Variants in CNTNAP5 observed in about 807,000 individuals in gnomAD.
CNTNAP5 encodes the protein contactin associated protein family member 5, also known as contactin-associated protein-like 5.
In CNTNAP5, 72 loss-of-function variants were observed where a neutral mutation model predicts 150.2. The ratio of observed to expected loss-of-function variants is 0.48; its 90% confidence interval spans 0.40 to 0.58. CNTNAP5 has a LOEUF of 0.58. Ranked by LOEUF, CNTNAP5 falls within the 20% of genes least tolerant of loss-of-function variation. The pLI is 0.00. For synonymous variants in CNTNAP5, 672 were observed against 619.8 expected (o/e 1.08, Z -1.25); for missense variants, 1,636 against 1,626.2 (o/e 1.01, Z -0.10).
At chr2:124,693,032 T>A (rs1162882220) in intron 13 of CNTNAP5, among the ~76,000 whole-genome samples, 1 of 152,110 alleles carries the variant, frequency 6.6e-6, no homozygotes, top group African/African-American at 2.4e-5. Context: ...ATTCTGAAAT[T>A]TTTTTACCCA....
At chr2:124,808,988 T>C (rs535564731) in intron 19 of CNTNAP5, among the ~76,000 whole-genome samples, 178 of 152,214 alleles carry the variant, frequency 1.2e-3, no homozygotes, top group Middle Eastern at 3.4e-3. Flanking sequence ...CTTTTTTTTT[T>C]TCTCTATACT....
At chr2:124,102,317 G>T (rs1683083004) in intron 1 of CNTNAP5, among the ~76,000 whole-genome samples, 1 of 152,118 alleles carries the variant, frequency 6.6e-6, no homozygotes, top group Non-Finnish European at 1.5e-5. Flanking sequence ...AGAAACTCCA[G>T]CTAAAATTGC....
intron 3 of CNTNAP5, among the ~76,000 whole-genome samples, chr2:124,267,899 C>A (rs1687653740): frequency 6.6e-6 from 1 of 152,156 alleles, no homozygotes; most frequent in Non-Finnish European, 1.5e-5. Context: ...AAATATGCAG[C>A]TTCCGAGGCT....
At chr2:124,489,525 G>A (rs900734660) in intron 7 of CNTNAP5, among the ~76,000 whole-genome samples, 2 of 152,108 alleles carry the variant, frequency 1.3e-5, no homozygotes, top group African/African-American at 2.4e-5. Context: ...TGGGGGCTGG[G>A]CCTTCAACAC....
At position 124,268,452 on chromosome 2, in the gene CNTNAP5, C is replaced by T. The variant is rs80144573; in HGVS notation, c.381+26059C>T. 2.1e-3 allele frequency among the ~76,000 whole-genome samples: 322 copies of T among 152,216 alleles called. 1 individual carries two copies. The highest frequency in any genetic ancestry group is 3.4e-3 in the Non-Finnish European group (230 of 68,016). On this transcript the variant is annotated intron_variant, in intron 3 of 23. Coordinates refer to ENST00000682447, the MANE Select transcript of CNTNAP5 (RefSeq NM_001367498.1). ...TAGACATTAAGAAATCTACCCCAAC[C>T]CTACAGTGATGTAGTGCTCTTCTGA...
intron 3 of CNTNAP5, among the ~76,000 whole-genome samples, chr2:124,408,334 C>T (rs550319435): frequency 2.0e-5 from 3 of 152,194 alleles, no homozygotes. Context: ...CCCAGGCTTG[C>T]TTAGGTAAAC....
intron 19 of CNTNAP5, among the ~76,000 whole-genome samples, chr2:124,824,233 A>C (rs1682547788): frequency 6.6e-6 from 1 of 152,026 alleles, no homozygotes; most frequent in Non-Finnish European, 1.5e-5. Context: ...GTTCTTTTAG[A>C]TGAGTGACCA....
At chr2:124,810,847 G>A (rs1682200320) in intron 19 of CNTNAP5, among the ~76,000 whole-genome samples, 2 of 152,038 alleles carry the variant, frequency 1.3e-5, no homozygotes, top group Admixed American at 1.3e-4. Flanking sequence ...TGTCAAGATG[G>A]GACTGCTACA....
chr2:124,818,487 G>T (rs1682416605), intron 19 of CNTNAP5, among the ~76,000 whole-genome samples: 1 of 152,056 alleles, frequency 6.6e-6, no homozygotes, highest in Non-Finnish European at 1.5e-5. Flanking sequence ...AGGTACAATT[G>T]CACTACTGCA....
intron 1 of CNTNAP5, among the ~76,000 whole-genome samples, chr2:124,186,455 A>G (rs2104687832): frequency 6.6e-6 from 1 of 152,366 alleles, no homozygotes; most frequent in African/African-American, 2.4e-5. Flanking sequence ...ATACAAACAC[A>G]TATGCATGTT....
intron 3 of CNTNAP5, among the ~76,000 whole-genome samples, chr2:124,265,850 A>G (rs1303866073): frequency 6.6e-6 from 1 of 151,250 alleles, no homozygotes; most frequent in South Asian, 2.1e-4. Flanking sequence ...AAAAAAACAG[A>G]GTCAGTCAGG....
At chr2:124,088,645 A>C (rs1682750016) in intron 1 of CNTNAP5, among the ~76,000 whole-genome samples, 1 of 152,090 alleles carries the variant, frequency 6.6e-6, no homozygotes, top group African/African-American at 2.4e-5. Flanking sequence ...TTGTGTATAT[A>C]AAAATCCAAG....
At chr2:124,878,659 G>A (rs906184050) in intron 21 of CNTNAP5, among the ~76,000 whole-genome samples, 1 of 151,598 alleles carries the variant, frequency 6.6e-6, no homozygotes, top group Non-Finnish European at 1.5e-5. Context: ...GGAGGTGGTA[G>A]TGTGGACAAT....
intron 7 of CNTNAP5, among the ~76,000 whole-genome samples, chr2:124,487,810 G>A (rs1254761660): frequency 6.6e-6 from 1 of 151,690 alleles, no homozygotes; most frequent in African/African-American, 2.4e-5. Context: ...TTTCCCCCAT[G>A]TTTTTACCCA....
At chr2:124,586,154 C>T (rs1696532144) in intron 11 of CNTNAP5, among the ~76,000 whole-genome samples, 1 of 152,150 alleles carries the variant, frequency 6.6e-6, no homozygotes, top group Non-Finnish European at 1.5e-5. Context: ...CTCACTTAGA[C>T]TCCCTGCTCA....
At position 124,472,774 on chromosome 2, in the gene CNTNAP5, C is replaced by T. The variant is rs1298684745; in HGVS notation, c.919-1965C>T. On this transcript the variant is annotated intron_variant, in intron 6 of 23. Transcript: ENST00000682447. ...TCACATTATATTTGAAATATATATG[C>T]CTCAATTTAAAGATATTTTATTGCA... 3.3e-5 allele frequency among the ~76,000 whole-genome samples: 5 copies of T among 151,408 alleles called. No homozygotes were observed. In the South Asian group the frequency reaches 8.3e-4, roughly 25 times the overall value.
intron 13 of CNTNAP5, among the ~76,000 whole-genome samples, chr2:124,670,835 A>G (rs925873026): frequency 6.6e-6 from 1 of 152,192 alleles, no homozygotes; most frequent in Non-Finnish European, 1.5e-5. Context: ...TAAAATTGCA[A>G]TCTTTTCTGG....
At chr2:124,706,539 G>A (rs1400738026) in intron 13 of CNTNAP5, among the ~76,000 whole-genome samples, 2 of 151,914 alleles carry the variant, frequency 1.3e-5, no homozygotes, top group Non-Finnish European at 2.9e-5. Flanking sequence ...TTGAGGTCAG[G>A]AGTTCAAGAC....
chr2:124,816,281 G>A (rs1392172790), intron 19 of CNTNAP5, among the ~76,000 whole-genome samples: 1 of 152,086 alleles, frequency 6.6e-6, no homozygotes, highest in Non-Finnish European at 1.5e-5. Context: ...CAAGGTATCA[G>A]CTGGGATGTG....
Sources: gnomAD v4.1 joint callset for allele counts (sites outside exome capture counted in the v4.1 genomes callset) on GRCh38, gnomAD v4.1.1 for gene constraint, MANE v1.5 for transcripts, NCBI Gene and HGNC (gene_info 2026-07-23, HGNC 2026-07-21) for gene names.